The following DGKH variants were observed in gnomAD, a reference collection of about 807,000 sequenced individuals.
DGKH encodes diacylglycerol kinase eta.
Under a neutral mutation model 159.3 loss-of-function variants are expected in DGKH, and 90 were observed. The ratio of observed to expected loss-of-function variants is 0.57; its 90% CI spans 0.48 to 0.67. DGKH has a LOEUF of 0.67. DGKH is among the 30% of genes least tolerant of loss of function. The probability of loss-of-function intolerance (pLI) is 0.00; values close to 1 mark genes in which losing one functional copy is unlikely to be tolerated. For synonymous variants in DGKH, 536 were observed against 553.8 expected (o/e 0.97, Z 0.45); for missense variants, 1,181 against 1,506.1 (o/e 0.78, Z 3.57).
chr13:42,246,741 G>A (rs1281209539), downstream of DGKH, among the ~76,000 whole-genome samples: 3 of 152,082 alleles, frequency 2.0e-5, no homozygotes, highest in Non-Finnish European at 2.9e-5. Flanking sequence ...CAGGCCTCCC[G>A]CGCACCCTAA....
At position 42,206,078 on chromosome 13, in the gene DGKH, A is replaced by G; in HGVS notation, c.2533A>G (p.Ile845Val). 3 of 1,452,316 alleles carry G rather than the reference A, an allele frequency of 2.1e-6. No homozygotes were observed. The highest frequency in any genetic ancestry group is 1.6e-5 in the South Asian group (1 of 62,830). The allele number at this position is 1,452,316 out of a possible 1,614,324, so 90.0% of individuals were successfully genotyped here. Residue 845 changes from isoleucine (I) to valine (V), a missense_variant, in exon 21 of 30, where the codon ATA becomes GTA. Physicochemically the swap from Ile to Val is conservative, Grantham distance 29 (BLOSUM62 3). Coordinates refer to ENST00000337343, the MANE Select transcript of DGKH (RefSeq NM_178009.5). ...QYIPLPSLQG[I>V]AVLNIPSYAG... ...TATTCCTCTTCCCAGCTTGCAAGGC[A>G]TAGCCGTGTTGAACATTCCCAGCTA...
chr13:42,041,495 T>A (rs955432310), intron 1 of DGKH, among the ~76,000 whole-genome samples: 1 of 152,214 alleles, frequency 6.6e-6, no homozygotes, highest in Non-Finnish European at 1.5e-5. Context: ...CGCCTGGGAT[T>A]TCGCTGCACA....
intron 12 of DGKH, 111 bp downstream of exon 12, chr13:42,174,255 T>A: frequency 2.2e-6 from 2 of 911,666 alleles, no homozygotes; most frequent in South Asian, 1.6e-5. Flanking sequence ...CATGTTAACT[T>A]AATTTTATTT....
chr13:42,195,131 T>A (rs71429408), intron 17 of DGKH, 115 bp downstream of exon 17: 163,407 of 1,324,738 alleles, frequency 0.12, 12,900 homozygotes, highest in East Asian at 0.42. Context: ...TTTAGTAGAA[T>A]GTTCTTGTTA....
intron 12 of DGKH, among the ~76,000 whole-genome samples, chr13:42,174,422 T>A (rs17701966): frequency 0.036 from 5,418 of 152,134 alleles, 182 homozygotes; most frequent in South Asian, 0.094. Flanking sequence ...GGCTACAAAG[T>A]CATGGGAGTT....
In DGKH at chr13:42,199,818, G is replaced by A. The variant is rs1410270624; in HGVS notation, c.2402G>A (p.Arg801Gln). 3.8e-6 allele frequency: 6 copies of A among 1,599,466 alleles called. No individual in the cohort carries two copies. The highest frequency in any genetic ancestry group is 5.1e-6 in the Non-Finnish European group (6 of 1,176,204). ...REEHPEKCRS[R>Q]TKNLMWYGVL... ...CTGCCAATATTTATTTTCAGGAGCC[G>A]AACTAAAAACTTGATGTGGTATGGA... The change falls in exon 20 of 30, where the codon CGA (arginine) becomes CAA (glutamine). Residue 801 changes from arginine (R) to glutamine (Q), a missense_variant. By Grantham distance (43) the Arg-to-Gln change is conservative (BLOSUM62 1). Transcript: ENST00000337343.
intron 3 of DGKH, among the ~76,000 whole-genome samples, chr13:42,141,761 G>T (rs1051587865): frequency 1.3e-5 from 2 of 152,028 alleles, no homozygotes; most frequent in African/African-American, 4.8e-5. Context: ...TTTTTTTCTT[G>T]TAAGTTTGTT....
chr13:42,097,501 A>G (rs1410750443), intron 1 of DGKH, among the ~76,000 whole-genome samples: 1 of 152,046 alleles, frequency 6.6e-6, no homozygotes, highest in East Asian at 1.9e-4. Context: ...CTTTTCTCTC[A>G]ACTTTGTTAG....
At chr13:42,103,060 C>A (rs1594030666) in intron 1 of DGKH, among the ~76,000 whole-genome samples, 1 of 152,316 alleles carries the variant, frequency 6.6e-6, no homozygotes, top group Non-Finnish European at 1.5e-5. Context: ...AAGTGGACTG[C>A]TCAAATGAGA....
At chr13:42,133,698 A>G (rs1955339084) in intron 3 of DGKH, among the ~76,000 whole-genome samples, 2 of 152,188 alleles carry the variant, frequency 1.3e-5, no homozygotes, top group African/African-American at 4.8e-5. Context: ...CCTGTCTCTA[A>G]AACAAAACAA....
chr13:42,166,521 G>A lies in DGKH; in HGVS notation c.965G>A (p.Cys322Tyr), dbSNP rs762618456. The A allele has an allele frequency of 6.5e-7, 1 of 1,539,064 alleles. No homozygotes were observed. Among genetic ancestry groups the A allele is most frequent in the Non-Finnish European group, 8.8e-7 (1 of 1,142,448 alleles). ...TGTTGTGTTTTTTTCACAGGTTTCT[G>A]TAGAGCAACATTTTCGTTCTGTGTT... is the stretch of plus-strand genomic sequence containing the variant. The part of the protein sequence containing the change: ...ALNSTDSDGF[C>Y]RATFSFCVSP... Residue 322 changes from cysteine (C) to tyrosine (Y), a missense_variant, in exon 9 of 30, where the codon TGT becomes TAT. This residue lies in a region of DGKH where 369 missense variants were observed against 519.4 expected (regional missense o/e 0.71). Transcript: ENST00000337343.
At chr13:42,161,655 C>T (rs1283264190) in intron 7 of DGKH, among the ~76,000 whole-genome samples, 1 of 152,064 alleles carries the variant, frequency 6.6e-6, no homozygotes, top group Non-Finnish European at 1.5e-5. Context: ...TGGTGGGCGC[C>T]TGTAATCCCA....
intron 1 of DGKH, among the ~76,000 whole-genome samples, chr13:42,054,648 G>A (rs1431491841): frequency 6.6e-6 from 1 of 152,154 alleles, no homozygotes; most frequent in East Asian, 1.9e-4. Flanking sequence ...TTCTTATTCT[G>A]GAGAATAGAA....
At chr13:42,130,757 T>A (rs1480226103) in intron 3 of DGKH, among the ~76,000 whole-genome samples, 3 of 152,092 alleles carry the variant, frequency 2.0e-5, no homozygotes, top group Non-Finnish European at 2.9e-5. Flanking sequence ...AGATGTTGCC[T>A]TATTGATTTA....
chr13:42,247,799 G>T (rs1437495161), downstream of DGKH, among the ~76,000 whole-genome samples: 1 of 151,802 alleles, frequency 6.6e-6, no homozygotes, highest in Non-Finnish European at 1.5e-5. Flanking sequence ...AAGTAAAAAA[G>T]TTAAAAACAA....
chr13:42,145,796 A>G (rs1235677632), intron 3 of DGKH, among the ~76,000 whole-genome samples: 1 of 152,218 alleles, frequency 6.6e-6, no homozygotes, highest in African/African-American at 2.4e-5. Context: ...AACACTATTT[A>G]GTATGAAATG....
chr13:42,138,123 T>C (rs1955442286), intron 3 of DGKH: 1 of 985,202 alleles, frequency 1.0e-6, no homozygotes, highest in African/African-American at 1.7e-5. Context: ...CAGACTCAGC[T>C]TTAGGTGCTG....
intron 25 of DGKH, among the ~76,000 whole-genome samples, chr13:42,215,159 T>A (rs868022326): frequency 0.019 from 1,561 of 81,390 alleles, 13 homozygotes; most frequent in Middle Eastern, 0.065. Context: ...ACTGATAGCG[T>A]TTTTTTTTTT....
intron 24 of DGKH, among the ~76,000 whole-genome samples, chr13:42,212,597 G>A (rs9533036): frequency 0.12 from 17,647 of 152,224 alleles, 1,361 homozygotes; most frequent in South Asian, 0.16. Context: ...CTTGCTTCTG[G>A]TCAACGTAGT....
Sources: allele counts gnomAD v4.1 joint callset (sites outside exome capture counted in the v4.1 genomes callset), GRCh38; gene constraint gnomAD v4.1.1; regional missense constraint gnomAD v4.1.1; transcripts MANE v1.5; gene names NCBI Gene and HGNC (gene_info 2026-07-23, HGNC 2026-07-21).